The following AGBL4 variants were observed in gnomAD, a reference collection of about 807,000 sequenced individuals.
The protein encoded by AGBL4 is AGBL carboxypeptidase 4.
Under a neutral mutation model 66.4 loss-of-function variants are expected in AGBL4, and 58 were observed. That is an observed-to-expected ratio of 0.87 (90% CI 0.71 to 1.09). The LOEUF (loss-of-function observed/expected upper bound fraction) is 1.09. Ranked by LOEUF, AGBL4 falls within the 50% of genes least tolerant of loss-of-function variation. The probability of loss-of-function intolerance (pLI) is 0.00; values close to 1 mark genes in which losing one functional copy is unlikely to be tolerated. For synonymous variants in AGBL4, 234 were observed against 222.9 expected, an observed-to-expected ratio of 1.05 and a Z score of -0.44; for missense variants, 579 against 631.0, an observed-to-expected ratio of 0.92 and a Z score of 0.88.
chr1:49,398,287 A>G lies in AGBL4; in HGVS notation c.283-152423T>C, dbSNP rs372139393. On this transcript the variant is annotated intron_variant, in intron 3 of 13. Transcript: ENST00000371839. ...TTTCATTAAGGACCCAAACAGAACA[A>G]AAAGGCAAAGGAAGAGTCAGTCAGT... Among the ~76,000 whole-genome samples the G allele has an allele frequency of 1.4e-3, 209 of 151,916 alleles. 1 individual carries two copies. The highest frequency in any genetic ancestry group is 4.7e-3 in the African/African-American group (196 of 41,426).
intron 4 of AGBL4, among the ~76,000 whole-genome samples, chr1:49,087,261 T>C (rs890196705): frequency 5.3e-5 from 8 of 151,950 alleles, no homozygotes; most frequent in African/African-American, 1.2e-4. Flanking sequence ...ATGTCAGAAA[T>C]AGAATTCAGA....
In AGBL4 at chr1:49,180,959, C is replaced by T. The variant is rs577653385; in HGVS notation, c.377+64811G>A. 5.9e-5 allele frequency among the ~76,000 whole-genome samples: 9 copies of T among 152,274 alleles called. No homozygotes were observed. The South Asian group carries it at 1.9e-3, about 32-fold the overall frequency. The stretch of plus-strand genomic sequence containing the variant: ...TAGAGAATTTAGGGATGTTTTTCAA[C>T]ACAATGTTTTAAATATGGCTTGGAA... On this transcript the variant is annotated intron_variant, in intron 4 of 13. Coordinates refer to ENST00000371839, the MANE Select transcript of AGBL4 (RefSeq NM_032785.4).
chr1:49,711,197 A>T (rs1647639906), intron 2 of AGBL4, among the ~76,000 whole-genome samples: 1 of 152,134 alleles, frequency 6.6e-6, no homozygotes, highest in Non-Finnish European at 1.5e-5. Flanking sequence ...AATTTCTCAT[A>T]AAGGTAAATG....
chr1:49,184,236 A>G (rs1289618196), intron 4 of AGBL4, among the ~76,000 whole-genome samples: 1 of 152,200 alleles, frequency 6.6e-6, no homozygotes, highest in Non-Finnish European at 1.5e-5. Flanking sequence ...CCCCAAGCTA[A>G]GTGAGGGTAG....
At chr1:49,846,599 AT>A (rs1646150830) in intron 2 of AGBL4, among the ~76,000 whole-genome samples, 1 of 152,216 alleles carries the variant, frequency 6.6e-6, no homozygotes, top group African/African-American at 2.4e-5. Flanking sequence ...CCTATTAAAT[AT>A]TTTAATTTCA....
intron 4 of AGBL4, among the ~76,000 whole-genome samples, chr1:49,112,392 G>A (rs757107219): frequency 6.6e-6 from 1 of 152,152 alleles, no homozygotes; most frequent in African/African-American, 2.4e-5. Flanking sequence ...TCATGTTCAC[G>A]GCTACTGACT....
At chr1:48,688,510 G>A (rs1646569664) in intron 6 of AGBL4, among the ~76,000 whole-genome samples, 1 of 152,190 alleles carries the variant, frequency 6.6e-6, no homozygotes, top group African/African-American at 2.4e-5. Context: ...AGACATTGCT[G>A]AGTGTTTGTT....
rs377305841 is a variant in AGBL4 at position 48,692,783 on chromosome 1, C to T, written c.635-29542G>A. 8.3e-4 allele frequency among the ~76,000 whole-genome samples: 127 copies of T among 152,312 alleles called. 1 individual carries two copies. The highest frequency in any genetic ancestry group is 2.9e-3 in the African/African-American group (121 of 41,570). ...ACCACCTCTTTGGCTTTCTCTCTCC[C>T]TCCATCCTCTCACTCTCTCCTCTTC... On this transcript the variant is annotated intron_variant, in intron 6 of 13. Coordinates refer to ENST00000371839, the MANE Select transcript of AGBL4 (RefSeq NM_032785.4).
chr1:48,776,912 G>A, intron 6 of AGBL4: 1 of 683,038 alleles, frequency 1.5e-6, no homozygotes, highest in African/African-American at 2.0e-5. Context: ...CGGGGGGCGC[G>A]AGTCTCGCTA....
At chr1:48,859,285 G>A (rs1570852352) in intron 6 of AGBL4, among the ~76,000 whole-genome samples, 1 of 152,114 alleles carries the variant, frequency 6.6e-6, no homozygotes, top group Admixed American at 6.5e-5. Context: ...TCTGGTCATT[G>A]CATACATTGA....
intron 4 of AGBL4, among the ~76,000 whole-genome samples, chr1:49,099,255 T>C (rs542835933): frequency 6.6e-6 from 1 of 152,322 alleles, no homozygotes; most frequent in African/African-American, 2.4e-5. Context: ...ACCAGGTATA[T>C]GGTATGTCCA....
intron 1 of AGBL4, among the ~76,000 whole-genome samples, chr1:49,950,851 G>A (rs919681781): frequency 2.0e-5 from 3 of 151,732 alleles, no homozygotes; most frequent in Admixed American, 2.0e-4. Flanking sequence ...ATTGATAAAT[G>A]AATGGAAAAA....
chr1:48,862,205 G>C (rs932531642), intron 6 of AGBL4, among the ~76,000 whole-genome samples: 1 of 152,076 alleles, frequency 6.6e-6, no homozygotes, highest in Non-Finnish European at 1.5e-5. Context: ...TCAACTGCCC[G>C]GTTGATAAGG....
intron 3 of AGBL4, among the ~76,000 whole-genome samples, chr1:49,658,029 C>A (rs938828296): frequency 6.6e-6 from 1 of 152,138 alleles, no homozygotes; most frequent in Non-Finnish European, 1.5e-5. Flanking sequence ...AACTAAAGAG[C>A]TTCTGCACAG....
chr1:49,010,981 C>A (rs1325207793), intron 5 of AGBL4, among the ~76,000 whole-genome samples: 7 of 152,004 alleles, frequency 4.6e-5, no homozygotes, highest in Admixed American at 1.3e-4. Context: ...CAAGGACTTC[C>A]TGTCTAAAAC....
At chr1:49,526,850 T>A (rs919821120) in intron 3 of AGBL4, among the ~76,000 whole-genome samples, 1 of 152,104 alleles carries the variant, frequency 6.6e-6, no homozygotes, top group African/African-American at 2.4e-5. Flanking sequence ...AGTAATAGCA[T>A]TTTCTGTGTA....
intron 3 of AGBL4, among the ~76,000 whole-genome samples, chr1:49,653,129 G>C (rs1324118904): frequency 1.3e-5 from 2 of 152,054 alleles, no homozygotes; most frequent in Non-Finnish European, 2.9e-5. Context: ...TGACATCTTT[G>C]CTATTCTGCA....
intron 5 of AGBL4, among the ~76,000 whole-genome samples, chr1:49,011,715 G>A (rs1235613259): frequency 1.3e-5 from 2 of 152,116 alleles, no homozygotes; most frequent in Non-Finnish European, 2.9e-5. Flanking sequence ...AAAGTGATGA[G>A]TTCATGTCCT....
At chr1:48,819,946 C>T (rs999349704) in intron 6 of AGBL4, among the ~76,000 whole-genome samples, 2 of 152,196 alleles carry the variant, frequency 1.3e-5, no homozygotes. Context: ...AAGCTCTGCT[C>T]TCCAATCATA....
Sources: gnomAD v4.1 joint callset for allele counts (sites outside exome capture counted in the v4.1 genomes callset) on GRCh38, gnomAD v4.1.1 for gene constraint, MANE v1.5 for transcripts, NCBI Gene and HGNC (gene_info 2026-07-23, HGNC 2026-07-21) for gene names.